ANKRD13A: variants seen among roughly 807,000 people sequenced by gnomAD.
ANKRD13A encodes the protein ankyrin repeat domain-containing protein 13A.
In ANKRD13A, 48 loss-of-function variants were observed where a neutral mutation model predicts 81.3. The ratio of observed to expected loss-of-function variants is 0.59; its 90% CI spans 0.47 to 0.75. ANKRD13A has a LOEUF of 0.75. Ranked by LOEUF, ANKRD13A falls within the 30% of genes least tolerant of loss-of-function variation. The pLI is 0.00. For missense variants in ANKRD13A, 612 were observed against 734.0 expected (o/e 0.83, Z 1.92); for synonymous variants, 230 against 270.1 (o/e 0.85, Z 1.45).
chr12:110,039,064 TTTTG>T lies in ANKRD13A; in HGVS notation c.*1514_*1517del, dbSNP rs776336442. ...GCTTTTAATTCCATTTCACAATCTG[TTTTG>T]TTTTTTTTTTTTGTCATTGTCTGAC... On this transcript the variant is annotated 3_prime_UTR_variant, in exon 15 of 15. Transcript: ENST00000261739. 10 of 146,674 alleles carry T rather than the reference TTTTG, an allele frequency of 6.8e-5. No individual in the cohort carries two copies. The highest frequency in any genetic ancestry group is 2.1e-4 in the South Asian group (1 of 4,704). 9.1% of individuals were successfully genotyped at this position (146,674 alleles called of 1,614,324 possible).
chr12:110,015,798 C>T (rs556103503), intron 3 of ANKRD13A, among the ~76,000 whole-genome samples: 8 of 152,144 alleles, frequency 5.3e-5, no homozygotes, highest in African/African-American at 1.4e-4. Context: ...CCACCCGCCT[C>T]GGCCTCCCAA....
At chr12:110,035,436 A>G (rs551118663) in intron 13 of ANKRD13A, among the ~76,000 whole-genome samples, 1 of 150,186 alleles carries the variant, frequency 6.7e-6, no homozygotes, top group African/African-American at 2.5e-5. Context: ...GAGATCCTAT[A>G]TCTACCAAAT....
Position 110,025,835 on chromosome 12 carries a change from C to T in ANKRD13A, c.883+12C>T, listed in dbSNP as rs748184822. 12 of 1,605,424 alleles carry T rather than the reference C, an allele frequency of 7.5e-6. No individual in the cohort carries two copies. Among genetic ancestry groups the T allele is most frequent in the Non-Finnish European group, 1.0e-5 (12 of 1,173,078 alleles). On this transcript the variant is annotated intron_variant, in intron 8 of 14. Transcript: ENST00000261739. ...AAAGAGATATAAAGGTAATCACCAC[C>T]ACCCTCCCACCTCCTGTTTTGTTGT...
chr12:110,036,346 C>T lies in ANKRD13A; in HGVS notation c.1577+18C>T. ...TATGAGAGGTGATTGACTGACGTGACTCTGGAATAAACCAGGGTGAACACA... is the reference window on the plus strand; with the variant it reads ...TATGAGAGGTGATTGACTGACGTGATTCTGGAATAAACCAGGGTGAACACA... On this transcript the variant is annotated intron_variant, in intron 14 of 14. Transcript: ENST00000261739. This position sits in a 1 kb window ranked among gnomAD's most constrained non-coding sequence, Gnocchi z 4.6. 1 of 1,613,050 alleles carries T rather than the reference C, an allele frequency of 6.2e-7. No individual in the cohort carries two copies. The highest frequency in any genetic ancestry group is 2.2e-5 in the East Asian group (1 of 44,868).
At chr12:110,026,343 G>A (rs1891324815) in intron 8 of ANKRD13A, among the ~76,000 whole-genome samples, 1 of 151,354 alleles carries the variant, frequency 6.6e-6, no homozygotes, top group Non-Finnish European at 1.5e-5. Flanking sequence ...GGAGGCCAAT[G>A]TGGGCGAGTC....
intron 3 of ANKRD13A, among the ~76,000 whole-genome samples, chr12:110,014,707 C>T (rs1890699321): frequency 6.6e-6 from 1 of 152,042 alleles, no homozygotes; most frequent in Middle Eastern, 3.2e-3. Flanking sequence ...CCCTCCTGCC[C>T]TGTTCTTTGG....
intron 6 of ANKRD13A, chr12:110,021,425 C>CTTTTTTTTTTTTTTTTTTTCT (rs59262099): frequency 7.7e-6 from 1 of 129,928 alleles, no homozygotes; most frequent in African/African-American, 3.2e-5. Context: ...TTTTTTCTTT[C>CTTTTTTTTTTTTTTTTTTTCT]TTTTTTTTTT....
chr12:110,019,372 G>T (rs368090099), intron 6 of ANKRD13A, 44 bp downstream of exon 6: 1,148 of 1,516,006 alleles, frequency 7.6e-4, no homozygotes, highest in Non-Finnish European at 9.4e-4. Context: ...TCCCCATGCT[G>T]CCATCTTGAG....
At chr12:110,013,738 A>G (rs1212716053) in intron 3 of ANKRD13A, among the ~76,000 whole-genome samples, 2 of 152,150 alleles carry the variant, frequency 1.3e-5, no homozygotes, top group African/African-American at 2.4e-5. Flanking sequence ...GTGAGGGTGC[A>G]GTGATCGCAC....
Position 110,025,781 on chromosome 12 carries a change from C to A in ANKRD13A, c.841C>A (p.Arg281Ser). The A allele has an allele frequency of 6.2e-7, 1 of 1,613,678 alleles. No homozygotes were observed. Among genetic ancestry groups the A allele is most frequent in the South Asian group, 1.1e-5 (1 of 91,010 alleles). ...VNNVNVITKIRTEHLTEEEKK... is the reference protein window; with the variant it reads ...VNNVNVITKISTEHLTEEEKK... ...CAATGTGAATGTGATCACCAAAATA[C>A]GCACAGAACATCTGACCGAGGAGGA... is the stretch of plus-strand genomic sequence containing the variant. Residue 281 changes from arginine (R) to serine (S), a missense_variant, in exon 8 of 15, where the codon CGC becomes AGC. Arg to Ser is a moderately radical substitution (Grantham distance 110). Transcript: ENST00000261739.
intron 12 of ANKRD13A, 25 bp downstream of exon 12, chr12:110,030,783 T>A (rs1455005061): frequency 6.7e-7 from 1 of 1,485,978 alleles, no homozygotes. Context: ...AAATACAAAG[T>A]TTAGTTTTGT....
chr12:110,013,272 G>A lies in ANKRD13A; in HGVS notation c.354+23G>A, dbSNP rs369606770. On this transcript the variant is annotated intron_variant, in intron 3 of 14. Transcript: ENST00000261739. ...GAGGTATCCATGAAAATGTGGCCAG[G>A]CCATAATCTGAGCTAAATGCTGATA... 3.0e-4 allele frequency: 489 copies of A among 1,613,150 alleles called. 3 individuals carry two copies. Among genetic ancestry groups the A allele is most frequent in the South Asian group, 8.1e-4 (74 of 90,850 alleles).
chr12:110,016,984 G>C (rs1890834174), intron 4 of ANKRD13A, among the ~76,000 whole-genome samples: 1 of 152,076 alleles, frequency 6.6e-6, no homozygotes, highest in Admixed American at 6.6e-5. Flanking sequence ...ATGTTAGCCA[G>C]GCTGGTCTCA....
intron 6 of ANKRD13A, chr12:110,021,302 G>A (rs1160399797): frequency 7.1e-6 from 2 of 280,920 alleles, no homozygotes; most frequent in Non-Finnish European, 1.5e-5. Flanking sequence ...TGAATGTGAG[G>A]TTTGTTGGTA....
chr12:110,030,938 T>C (rs1161889113), intron 12 of ANKRD13A, among the ~76,000 whole-genome samples, 180 bp downstream of exon 12: 1 of 151,624 alleles, frequency 6.6e-6, no homozygotes, highest in Non-Finnish European at 1.5e-5. Flanking sequence ...CTACTAATAA[T>C]ACAAAAATTA....
At chr12:110,037,105 A>G (rs925272597) in intron 14 of ANKRD13A, among the ~76,000 whole-genome samples, 3 of 152,210 alleles carry the variant, frequency 2.0e-5, no homozygotes, top group Admixed American at 6.5e-5. Flanking sequence ...GAAGAACCTG[A>G]GTTTTGCTTT....
chr12:110,025,928 T>C (rs1891294425), intron 8 of ANKRD13A, 105 bp downstream of exon 8: 7 of 948,220 alleles, frequency 7.4e-6, no homozygotes, highest in Non-Finnish European at 1.1e-5. Context: ...GATTGGGTTG[T>C]GTTAAGCCTA....
chr12:110,035,702 G>T (rs1892002786), intron 13 of ANKRD13A, among the ~76,000 whole-genome samples: 1 of 152,010 alleles, frequency 6.6e-6, no homozygotes, highest in Admixed American at 6.6e-5. Flanking sequence ...CACCAGCCTT[G>T]CCCTCCCAAA....
In ANKRD13A at chr12:110,033,968, CAG is replaced by C. The variant is rs1891865109; in HGVS notation, c.1509+13_1509+14del. 3 of 1,603,410 alleles carry C rather than the reference CAG, an allele frequency of 1.9e-6. No homozygotes were observed. The African/African-American group carries it at 4.0e-5, about 21-fold the overall frequency. On this transcript the variant is annotated intron_variant, in intron 13 of 14. Coordinates refer to ENST00000261739, the MANE Select transcript of ANKRD13A (RefSeq NM_033121.2). ...TCCAGCAGGAGCCAGGTGTGTTTAT[CAG>C]AATACTCTAATGGCAGGGCGTGGGA...
Sources: gnomAD v4.1 joint callset for allele counts (sites outside exome capture counted in the v4.1 genomes callset) on GRCh38, gnomAD v4.1.1 for gene constraint, Gnocchi (gnomAD v3.1) non-coding constraint, MANE v1.5 for transcripts, NCBI Gene and HGNC (gene_info 2026-07-23, HGNC 2026-07-21) for gene names.